Variants in RPS6KC1 observed in about 807,000 individuals in gnomAD.
RPS6KC1 encodes the protein ribosomal protein S6 kinase C1, also known as inactive ribosomal protein S6 kinase delta-1.
Under a neutral mutation model 103.8 loss-of-function variants are expected in RPS6KC1, and 54 were observed. The observed-to-expected ratio is 0.52, with a 90% CI of 0.42 to 0.65. The LOEUF is 0.65. RPS6KC1 is among the 30% of genes least tolerant of loss of function. RPS6KC1 has a pLI of 0.00. For missense variants in RPS6KC1, 1,151 were observed against 1,253.8 expected, an observed-to-expected ratio of 0.92 and a Z score of 1.24; for synonymous variants, 439 against 438.7, an observed-to-expected ratio of 1.00 and a Z score of -0.01.
chr1:213,607,579 T>G, the RPS6KC1 span, among the ~76,000 whole-genome samples: 1 of 152,078 alleles, frequency 6.6e-6, no homozygotes, highest in African/African-American at 2.4e-5. Context: ...ACCAAGTCTC[T>G]GTGTATTATA....
intron 6 of RPS6KC1, among the ~76,000 whole-genome samples, chr1:213,154,496 C>A (rs2089639849): frequency 6.6e-6 from 1 of 152,220 alleles, no homozygotes; most frequent in Non-Finnish European, 1.5e-5. Flanking sequence ...TCTTCCTTCC[C>A]TTTTCTGAAG....
At chr1:213,174,860 TTAAA>T (rs2091761434) in intron 7 of RPS6KC1, among the ~76,000 whole-genome samples, 1 of 152,050 alleles carries the variant, frequency 6.6e-6, no homozygotes, top group Non-Finnish European at 1.5e-5. Flanking sequence ...AATTGAGACA[TTAAA>T]TAAATATTTT....
chr1:213,436,800 T>C, the RPS6KC1 span, among the ~76,000 whole-genome samples: 1 of 152,198 alleles, frequency 6.6e-6, no homozygotes, highest in Admixed American at 6.5e-5. Context: ...CAAAATTTCA[T>C]TTTCTAGTCT....
intron 5 of RPS6KC1, among the ~76,000 whole-genome samples, chr1:213,118,021 C>CCAAAAAAAAAAAAA (rs2083875584): frequency 2.9e-5 from 1 of 34,182 alleles, no homozygotes; most frequent in African/African-American, 1.2e-4. Context: ...GACTTTGTCT[C>CCAAAAAAAAAAAAA]AAAAAAAAAA....
At chr1:213,312,573 A>G in the RPS6KC1 span, among the ~76,000 whole-genome samples, 1 of 152,096 alleles carries the variant, frequency 6.6e-6, no homozygotes, top group Admixed American at 6.5e-5. Flanking sequence ...TCCTGTAAAC[A>G]CTTGCCTATC....
At chr1:213,062,805 G>A (rs565405243) in intron 1 of RPS6KC1, among the ~76,000 whole-genome samples, 6 of 152,200 alleles carry the variant, frequency 3.9e-5, no homozygotes, top group South Asian at 2.1e-4. Flanking sequence ...CGCCAGCCTC[G>A]GCCTCCCAAG....
At chr1:213,512,765 G>A in the RPS6KC1 span, among the ~76,000 whole-genome samples, 2 of 152,158 alleles carry the variant, frequency 1.3e-5, no homozygotes, top group African/African-American at 4.8e-5. Context: ...GTAAACTACA[G>A]AGACTCAACT....
chr1:213,065,448 T>C (rs1229069028), intron 1 of RPS6KC1, among the ~76,000 whole-genome samples: 2 of 152,258 alleles, frequency 1.3e-5, no homozygotes, highest in Non-Finnish European at 2.9e-5. Context: ...AGATTTCTGA[T>C]TGATACTCTT....
the RPS6KC1 span, among the ~76,000 whole-genome samples, chr1:213,572,565 G>T: frequency 6.6e-6 from 1 of 152,100 alleles, no homozygotes; most frequent in African/African-American, 2.4e-5. Context: ...GAAAGGGCAG[G>T]TTATCTAAAG....
intron 4 of RPS6KC1, among the ~76,000 whole-genome samples, chr1:213,114,708 T>C (rs559229881): frequency 9.2e-5 from 14 of 152,170 alleles, no homozygotes; most frequent in Admixed American, 8.5e-4. Context: ...ATAGATAGCT[T>C]TTATTATTTT....
At chr1:213,382,234 C>T in the RPS6KC1 span, among the ~76,000 whole-genome samples, 6 of 152,308 alleles carry the variant, frequency 3.9e-5, no homozygotes, top group African/African-American at 1.4e-4. Flanking sequence ...TTTTCTCCCC[C>T]TGGGTTGCCC....
the RPS6KC1 span, among the ~76,000 whole-genome samples, chr1:213,291,788 C>G: frequency 6.6e-6 from 1 of 152,206 alleles, no homozygotes; most frequent in Non-Finnish European, 1.5e-5. Context: ...TTGTGTTCAC[C>G]AAGGAGACTT....
At chr1:213,277,558 T>C (rs888231865), downstream of RPS6KC1, among the ~76,000 whole-genome samples, 1 of 152,204 alleles carries the variant, frequency 6.6e-6, no homozygotes, top group Admixed American at 6.5e-5. Context: ...GTCTAATTCT[T>C]TGTTCTTCCC....
intron 3 of RPS6KC1, among the ~76,000 whole-genome samples, chr1:213,086,827 A>G (rs1243328797): frequency 2.0e-5 from 3 of 152,168 alleles, no homozygotes; most frequent in Non-Finnish European, 4.4e-5. Flanking sequence ...GCATATATAT[A>G]TGTATATGTG....
At chr1:213,836,962 AT>A in the RPS6KC1 span, among the ~76,000 whole-genome samples, 1 of 152,228 alleles carries the variant, frequency 6.6e-6, no homozygotes, top group Non-Finnish European at 1.5e-5. Context: ...CTTCATTTAG[AT>A]TTTCTGCTAG....
the RPS6KC1 span, among the ~76,000 whole-genome samples, chr1:213,613,048 A>G: frequency 6.6e-6 from 1 of 152,180 alleles, no homozygotes; most frequent in Non-Finnish European, 1.5e-5. Context: ...TGTCATCAGC[A>G]GCTGTAACTG....
the RPS6KC1 span, among the ~76,000 whole-genome samples, chr1:213,808,045 A>C: frequency 6.6e-6 from 1 of 152,182 alleles, no homozygotes; most frequent in Non-Finnish European, 1.5e-5. Flanking sequence ...GGTCCACTCC[A>C]GACCCTGTTT....
the RPS6KC1 span, among the ~76,000 whole-genome samples, chr1:213,706,990 A>G: frequency 1.3e-5 from 2 of 152,176 alleles, no homozygotes; most frequent in African/African-American, 2.4e-5. Context: ...GCTGTTGTGA[A>G]TAGTGCTGCA....
At chr1:213,536,909 A>G in the RPS6KC1 span, among the ~76,000 whole-genome samples, 2 of 152,156 alleles carry the variant, frequency 1.3e-5, no homozygotes, top group Non-Finnish European at 2.9e-5. Context: ...CGGGCTGAAC[A>G]GGAGAACCAC....
Sources: gnomAD v4.1 joint callset for allele counts (sites outside exome capture counted in the v4.1 genomes callset) on GRCh38, gnomAD v4.1.1 for gene constraint, MANE v1.5 for transcripts, NCBI Gene and HGNC (gene_info 2026-07-23, HGNC 2026-07-21) for gene names.